CAP2: variants seen among roughly 807,000 people sequenced by gnomAD.
CAP2 encodes cyclase associated actin cytoskeleton regulatory protein 2, also known as adenylyl cyclase-associated protein 2.
Under a neutral mutation model 57.7 loss-of-function variants are expected in CAP2, and 24 were observed. The observed-to-expected ratio is 0.42, with a 90% confidence interval of 0.30 to 0.58. The LOEUF (loss-of-function observed/expected upper bound fraction) is 0.58, where lower values mean the gene tolerates loss of function less well. Among genes scored for constraint, CAP2 ranks in the 20% least tolerant of loss-of-function variants. CAP2 has a pLI of 0.22. For missense variants in CAP2, 501 were observed against 590.3 expected, an observed-to-expected ratio of 0.85 and a Z score of 1.57; for synonymous variants, 194 against 207.2, an observed-to-expected ratio of 0.94 and a Z score of 0.55.
rs1458364813 is a variant in CAP2, at chr6:17,557,275, T to C, written c.*833T>C. 6.6e-6 allele frequency: 1 copy of C among 152,192 alleles called. No homozygotes were observed. Among genetic ancestry groups the C allele is most frequent in the Non-Finnish European group, 1.5e-5 (1 of 68,030 alleles). 9.4% of individuals were successfully genotyped at this position (152,192 alleles called of 1,614,324 possible). A position where few individuals can be genotyped will look rare whatever the true frequency, so the allele number is the denominator to read the frequency against. On this transcript the variant is annotated 3_prime_UTR_variant, in exon 13 of 13. Transcript: ENST00000229922. Reference sequence around the variant, plus strand: ...AATATCAGATGCCTTGTAAATTATGTCTTTAACGTTTTCTTATAGACTAAT... The same window carrying C: ...AATATCAGATGCCTTGTAAATTATGCCTTTAACGTTTTCTTATAGACTAAT...
chr6:17,492,503 T>C (rs1761568783), intron 4 of CAP2, among the ~76,000 whole-genome samples: 1 of 152,158 alleles, frequency 6.6e-6, no homozygotes, highest in Non-Finnish European at 1.5e-5. Context: ...CCAAAGTGGC[T>C]GGAATTGAAA....
chr6:17,441,432 A>G (rs536949212), intron 3 of CAP2, among the ~76,000 whole-genome samples: 1 of 151,798 alleles, frequency 6.6e-6, no homozygotes, highest in South Asian at 2.1e-4. Context: ...AGACCATTGT[A>G]TGTACACAGT....
chr6:17,488,639 G>A (rs1463322385), intron 4 of CAP2, among the ~76,000 whole-genome samples: 1 of 152,158 alleles, frequency 6.6e-6, no homozygotes, highest in Admixed American at 6.5e-5. Flanking sequence ...AGTTTCCTCT[G>A]CTGAAAAATG....
At chr6:17,494,499 T>C (rs1761617860) in intron 4 of CAP2, among the ~76,000 whole-genome samples, 1 of 152,184 alleles carries the variant, frequency 6.6e-6, no homozygotes. Flanking sequence ...AGATATTTAT[T>C]CAAATGTCAC....
chr6:17,526,262 C>T lies in CAP2; in HGVS notation c.636+12308C>T, dbSNP rs570056885. On this transcript the variant is annotated intron_variant, in intron 7 of 12. Coordinates refer to ENST00000229922, the MANE Select transcript of CAP2 (RefSeq NM_006366.3). ...CCTCAAGAGCGGCTGGGATTACAGG[C>T]ACGCACCACCATACCTGACTAATTT... Among the ~76,000 whole-genome samples, 955 of 152,120 alleles carry T rather than the reference C, an allele frequency of 6.3e-3. 13 individuals carry two copies. Among genetic ancestry groups the T allele is most frequent in the African/African-American group, 0.022 (895 of 41,500 alleles).
chr6:17,543,098 G>A lies in CAP2; in HGVS notation c.1164G>A (p.Val388=). Reference sequence around the variant, plus strand: ...AACTCGGCCTGGTGTTTGACAATGTGGTGGGCATTGTGGAAGTGATCAACT... The same window carrying A: ...AACTCGGCCTGGTGTTTGACAATGTAGTGGGCATTGTGGAAGTGATCAACT... ...CKKLGLVFDN[V]VGIVEVINSQ... The change falls in exon 11 of 13, where the codon GTG becomes GTA. Residue 388 remains valine (V), a synonymous_variant. Coordinates refer to ENST00000229922, the MANE Select transcript of CAP2 (RefSeq NM_006366.3). The A allele has an allele frequency of 6.2e-7, 1 of 1,614,050 alleles. No individual in the cohort carries two copies. Among genetic ancestry groups the A allele is most frequent in the Non-Finnish European group, 8.5e-7 (1 of 1,179,942 alleles).
At chr6:17,450,701 C>T (rs186444149) in intron 3 of CAP2, among the ~76,000 whole-genome samples, 3 of 152,294 alleles carry the variant, frequency 2.0e-5, no homozygotes. Context: ...CATTCTCAAT[C>T]TACCTACTCA....
intron 7 of CAP2, among the ~76,000 whole-genome samples, chr6:17,537,500 A>AGGTTT (rs1554130081): frequency 6.6e-6 from 1 of 151,910 alleles, no homozygotes; most frequent in Non-Finnish European, 1.5e-5. Context: ...CCGAGCCAGC[A>AGGTTT]TGTTTTGTTT....
At chr6:17,535,156 G>A (rs1762742178) in intron 7 of CAP2, among the ~76,000 whole-genome samples, 1 of 152,170 alleles carries the variant, frequency 6.6e-6, no homozygotes, top group Non-Finnish European at 1.5e-5. Flanking sequence ...GATAAAAACT[G>A]AGCCAGATAT....
rs569322588 is a variant in CAP2, at chr6:17,495,689, A to G, written c.301-11480A>G. Among the ~76,000 whole-genome samples, 3 of 152,304 alleles carry G rather than the reference A, an allele frequency of 2.0e-5. No homozygotes were observed. The South Asian group carries it at 6.2e-4, about 32-fold the overall frequency. ...GGACGACAAAGAAGCATCTCAGCTC[A>G]AGACTCGAAGATGAAAGTTCATTGG... On this transcript the variant is annotated intron_variant, in intron 4 of 12. Coordinates refer to ENST00000229922, the MANE Select transcript of CAP2 (RefSeq NM_006366.3).
chr6:17,499,349 A>G (rs1170347488), intron 4 of CAP2, among the ~76,000 whole-genome samples: 1 of 144,306 alleles, frequency 6.9e-6, no homozygotes, highest in Non-Finnish European at 1.5e-5. Context: ...CAGTGAGCTG[A>G]GATCATGCCA....
intron 1 of CAP2, among the ~76,000 whole-genome samples, chr6:17,409,313 G>A (rs961539998): frequency 1.3e-5 from 2 of 151,836 alleles, no homozygotes; most frequent in Non-Finnish European, 2.9e-5. Flanking sequence ...CGGATGTTGC[G>A]GTGAGCCGAG....
intron 12 of CAP2, among the ~76,000 whole-genome samples, chr6:17,555,982 A>T (rs1763300609): frequency 6.6e-6 from 1 of 152,236 alleles, no homozygotes; most frequent in African/African-American, 2.4e-5. Flanking sequence ...TACTGGCCAC[A>T]TCATTTGGGG....
chr6:17,527,147 T>C (rs1762531733), intron 7 of CAP2, among the ~76,000 whole-genome samples: 1 of 152,082 alleles, frequency 6.6e-6, no homozygotes, highest in Non-Finnish European at 1.5e-5. Context: ...ATCTACTAAG[T>C]ATAGATAATT....
At chr6:17,454,404 A>T (rs1262186249) in intron 3 of CAP2, among the ~76,000 whole-genome samples, 1 of 152,252 alleles carries the variant, frequency 6.6e-6, no homozygotes, top group Non-Finnish European at 1.5e-5. Context: ...GATTATAAAA[A>T]CATAAGTGTC....
chr6:17,443,559 C>T (rs1760152822), intron 3 of CAP2, among the ~76,000 whole-genome samples: 1 of 137,260 alleles, frequency 7.3e-6, no homozygotes, highest in Admixed American at 7.5e-5. Context: ...TGCACCCATT[C>T]CCACAAAACA....
At chr6:17,404,856 T>C (rs1054657253) in intron 1 of CAP2, among the ~76,000 whole-genome samples, 2 of 152,200 alleles carry the variant, frequency 1.3e-5, no homozygotes, top group African/African-American at 4.8e-5. Context: ...TATTTATTTC[T>C]TTGTAGGCAG....
intron 4 of CAP2, among the ~76,000 whole-genome samples, chr6:17,474,277 G>A (rs1480481930): frequency 5.3e-5 from 7 of 132,708 alleles, no homozygotes; most frequent in South Asian, 2.5e-4. Context: ...CAAACACCTC[G>A]AAAATGTCCT....
chr6:17,457,514 G>A (rs775216314), intron 3 of CAP2, among the ~76,000 whole-genome samples: 7 of 152,206 alleles, frequency 4.6e-5, no homozygotes, highest in African/African-American at 7.2e-5. Flanking sequence ...CATGTCGACC[G>A]ATAAGGTTAA....
Sources: allele counts gnomAD v4.1 joint callset (sites outside exome capture counted in the v4.1 genomes callset), GRCh38; gene constraint gnomAD v4.1.1; transcripts MANE v1.5; gene names NCBI Gene and HGNC (gene_info 2026-07-23, HGNC 2026-07-21).